Variants in PPP3R1 observed in about 807,000 individuals in gnomAD.
PPP3R1 encodes protein phosphatase 3 regulatory subunit B, alpha.
PPP3R1 carries 5 observed loss-of-function variants against 22.6 expected under a neutral mutation model. The ratio of observed to expected loss-of-function variants is 0.22; its 90% confidence interval spans 0.12 to 0.46. The LOEUF (loss-of-function observed/expected upper bound fraction) is 0.46. Ranked by LOEUF, PPP3R1 falls within the 20% of genes least tolerant of loss-of-function variation. The pLI is 0.99. For synonymous variants in PPP3R1, 56 were observed against 65.2 expected, an observed-to-expected ratio of 0.86 and a Z score of 0.68; for missense variants, 61 against 203.2, an observed-to-expected ratio of 0.30 and a Z score of 4.25.
In PPP3R1 at chr2:68,188,503, TA is replaced by T. The variant is rs1360541221; in HGVS notation, c.220+10del. The T allele has an allele frequency of 5.7e-6, 9 of 1,566,006 alleles. No individual in the cohort carries two copies. The highest frequency in any genetic ancestry group is 7.8e-6 in the Non-Finnish European group (9 of 1,155,900). On this transcript the variant is annotated intron_variant, in intron 3 of 5. Transcript: ENST00000234310. ...ATAACTTGTGGTTATAAAAAATAAC[TA>T]CTTTCTTACCTTTAAAGTCTACTTC...
At chr2:68,213,841 G>A (rs1469031781) in intron 2 of PPP3R1, among the ~76,000 whole-genome samples, 6 of 152,000 alleles carry the variant, frequency 3.9e-5, no homozygotes, top group African/African-American at 2.4e-5. Context: ...TTTAAAATCC[G>A]TATGGAACCA....
At chr2:68,249,446 A>G (rs1470245896) in intron 1 of PPP3R1, among the ~76,000 whole-genome samples, 2 of 152,224 alleles carry the variant, frequency 1.3e-5, no homozygotes, top group Admixed American at 6.5e-5. Context: ...TAAAAGTTTA[A>G]AAGCACAAAG....
At chr2:68,203,556 G>A (rs944827648) in intron 2 of PPP3R1, among the ~76,000 whole-genome samples, 2 of 151,514 alleles carry the variant, frequency 1.3e-5, no homozygotes, top group South Asian at 2.1e-4. Context: ...TGCCGAGATC[G>A]CGCCATTGCA....
At chr2:68,229,656 G>C (rs1406469484) in intron 1 of PPP3R1, among the ~76,000 whole-genome samples, 1 of 151,994 alleles carries the variant, frequency 6.6e-6, no homozygotes, top group Admixed American at 6.6e-5. Context: ...ACTGTCTCTG[G>C]TAACTGCTTT....
At chr2:68,189,995 C>A (rs1290483693) in intron 2 of PPP3R1, among the ~76,000 whole-genome samples, 1 of 151,862 alleles carries the variant, frequency 6.6e-6, no homozygotes, top group African/African-American at 2.4e-5. Flanking sequence ...AGTACAAATA[C>A]AAGCTGTTTT....
intron 5 of PPP3R1, among the ~76,000 whole-genome samples, chr2:68,182,084 C>CACACA (rs1674421841): frequency 8.4e-6 from 1 of 118,796 alleles, no homozygotes; most frequent in Non-Finnish European, 1.8e-5. Flanking sequence ...CCCCCCTCCC[C>CACACA]CCACCACACA....
intron 5 of PPP3R1, among the ~76,000 whole-genome samples, chr2:68,181,860 T>C (rs1354685595): frequency 6.6e-6 from 1 of 152,216 alleles, no homozygotes; most frequent in Non-Finnish European, 1.5e-5. Context: ...TAGAGTCAAA[T>C]ACATGTAGTC....
intron 2 of PPP3R1, among the ~76,000 whole-genome samples, chr2:68,198,195 TAC>T (rs1192843027): frequency 2.1e-5 from 3 of 145,732 alleles, no homozygotes; most frequent in Non-Finnish European, 4.5e-5. Flanking sequence ...AATATATATT[TAC>T]ATATATGTGC....
At chr2:68,203,391 C>T (rs1675028015) in intron 2 of PPP3R1, among the ~76,000 whole-genome samples, 1 of 152,194 alleles carries the variant, frequency 6.6e-6, no homozygotes. Context: ...CACCTGAGGT[C>T]AGGAGTTCAA....
chr2:68,202,997 T>C (rs1296559455), intron 2 of PPP3R1, among the ~76,000 whole-genome samples: 1 of 151,982 alleles, frequency 6.6e-6, no homozygotes, highest in Non-Finnish European at 1.5e-5. Context: ...TTAAAAACCG[T>C]CTGTAACACT....
intron 2 of PPP3R1, among the ~76,000 whole-genome samples, chr2:68,209,290 C>T (rs528479308): frequency 0.012 from 1,363 of 115,440 alleles, 13 homozygotes; most frequent in Non-Finnish European, 0.016. Context: ...ACCCGGGAGG[C>T]GGAGCTTGCA....
chr2:68,237,452 C>T (rs1035659611), intron 1 of PPP3R1, among the ~76,000 whole-genome samples: 1 of 152,012 alleles, frequency 6.6e-6, no homozygotes, highest in Non-Finnish European at 1.5e-5. Flanking sequence ...TATCATGTTA[C>T]TTCTCATAAT....
At chr2:68,192,704 A>G (rs531543256) in intron 2 of PPP3R1, among the ~76,000 whole-genome samples, 1 of 152,190 alleles carries the variant, frequency 6.6e-6, no homozygotes, top group Non-Finnish European at 1.5e-5. Flanking sequence ...CATTGCCAAC[A>G]GTAATCTTTC....
At chr2:68,215,659 T>G (rs1326470729) in intron 2 of PPP3R1, among the ~76,000 whole-genome samples, 2 of 152,190 alleles carry the variant, frequency 1.3e-5, no homozygotes, top group African/African-American at 4.8e-5. Context: ...GCAGAAAGTT[T>G]GAATAGTATT....
Position 68,241,363 on chromosome 2 carries a change from G to A in PPP3R1, c.3+10762C>T, listed in dbSNP as rs370124837. ...CAATCCATGGACCCAGAACTCATGGGCATGGAAGGCCAACTGTATATGTCA... is the reference window on the plus strand; with the variant it reads ...CAATCCATGGACCCAGAACTCATGGACATGGAAGGCCAACTGTATATGTCA... On this transcript the variant is annotated intron_variant, in intron 1 of 5. Transcript: ENST00000234310. Among the ~76,000 whole-genome samples, 7 of 151,818 alleles carry A rather than the reference G, an allele frequency of 4.6e-5. No individual in the cohort carries two copies. The East Asian group carries it at 1.4e-3, about 29-fold the overall frequency.
intron 2 of PPP3R1, among the ~76,000 whole-genome samples, chr2:68,198,185 A>G (rs867024540): frequency 6.8e-6 from 1 of 146,182 alleles, no homozygotes; most frequent in South Asian, 2.1e-4. Flanking sequence ...ATGTATATAT[A>G]ATATATATTT....
At chr2:68,246,117 C>T (rs111862874) in intron 1 of PPP3R1, among the ~76,000 whole-genome samples, 2,458 of 120,744 alleles carry the variant, frequency 0.02, 75 homozygotes, top group African/African-American at 0.073. Flanking sequence ...CTCTGTCGTC[C>T]AAGCTGGAGT....
At chr2:68,245,320 C>T (rs1670214346) in intron 1 of PPP3R1, among the ~76,000 whole-genome samples, 1 of 152,128 alleles carries the variant, frequency 6.6e-6, no homozygotes, top group Non-Finnish European at 1.5e-5. Context: ...TGAGATCGCA[C>T]CACCGCACTC....
chr2:68,229,710 G>T (rs987133727), intron 1 of PPP3R1, among the ~76,000 whole-genome samples: 2 of 151,946 alleles, frequency 1.3e-5, no homozygotes, highest in Admixed American at 1.3e-4. Context: ...AACCATACCT[G>T]CTTTCTTTGG....
Sources: allele counts gnomAD v4.1 joint callset (sites outside exome capture counted in the v4.1 genomes callset), GRCh38; gene constraint gnomAD v4.1.1; transcripts MANE v1.5; gene names NCBI Gene and HGNC (gene_info 2026-07-23, HGNC 2026-07-21).